PUM3: variants seen among roughly 807,000 people sequenced by gnomAD.
PUM3 encodes pumilio homolog 3.
Under a neutral mutation model 84.0 loss-of-function variants are expected in PUM3, and 91 were observed. That is an observed-to-expected ratio of 1.08 (90% CI 0.91 to 1.29). The LOEUF (loss-of-function observed/expected upper bound fraction) is 1.29. Ranked by LOEUF, PUM3 falls within the 50% of genes most tolerant of loss-of-function variation. The probability of loss-of-function intolerance (pLI) is 0.00; values close to 1 mark genes in which losing one functional copy is unlikely to be tolerated. For missense variants in PUM3, 1,067 were observed against 767.5 expected, an observed-to-expected ratio of 1.39 and a Z score of -4.61; for synonymous variants, 321 against 266.7, an observed-to-expected ratio of 1.20 and a Z score of -1.98.
At chr9:2,835,230 T>C (rs1029747989) in intron 3 of PUM3, among the ~76,000 whole-genome samples, 4 of 151,916 alleles carry the variant, frequency 2.6e-5, no homozygotes, top group Admixed American at 1.3e-4. Flanking sequence ...CTGGGCGAAA[T>C]AGTGAGACCC....
chr9:2,840,034 G>A (rs541971960), intron 1 of PUM3, among the ~76,000 whole-genome samples: 2 of 152,050 alleles, frequency 1.3e-5, no homozygotes, highest in Non-Finnish European at 1.5e-5. Flanking sequence ...AGTCTCCTTT[G>A]TATTTTGTAG....
At chr9:2,825,224 A>G (rs1815780093) in intron 10 of PUM3, among the ~76,000 whole-genome samples, 1 of 152,214 alleles carries the variant, frequency 6.6e-6, no homozygotes, top group Non-Finnish European at 1.5e-5. Flanking sequence ...ACCTGTATGC[A>G]ATAAACAGAA....
chr9:2,812,924 A>C (rs1451782580), intron 13 of PUM3, among the ~76,000 whole-genome samples: 3 of 152,260 alleles, frequency 2.0e-5, no homozygotes, highest in Non-Finnish European at 4.4e-5. Flanking sequence ...GGCATGAATG[A>C]AGAACACTTC....
intron 3 of PUM3, among the ~76,000 whole-genome samples, chr9:2,834,944 A>T (rs1816081020): frequency 6.6e-6 from 1 of 151,954 alleles, no homozygotes; most frequent in Non-Finnish European, 1.5e-5. Flanking sequence ...AGTATCTGGC[A>T]CAGAATCTTT....
At chr9:2,830,259 C>A (rs1815940085) in intron 7 of PUM3, among the ~76,000 whole-genome samples, 1 of 152,108 alleles carries the variant, frequency 6.6e-6, no homozygotes, top group Non-Finnish European at 1.5e-5. Context: ...TAACTATATC[C>A]TAAAAGAATT....
At chr9:2,805,469 A>G (rs1192592677) in intron 17 of PUM3, among the ~76,000 whole-genome samples, 1 of 152,214 alleles carries the variant, frequency 6.6e-6, no homozygotes, top group Non-Finnish European at 1.5e-5. Flanking sequence ...TATTTTCCAA[A>G]GTCCCTGGTC....
In PUM3 at chr9:2,827,031, C is replaced by T. The variant is rs775843040; in HGVS notation, c.1035+42G>A. 5.3e-6 allele frequency: 8 copies of T among 1,497,028 alleles called. No homozygotes were observed. In the African/African-American group the frequency reaches 9.7e-5, roughly 18 times the overall value. 92.7% of individuals were successfully genotyped at this position (1,497,028 alleles called of 1,614,324 possible). On this transcript the variant is annotated intron_variant, in intron 10 of 17. Coordinates refer to ENST00000397885, the MANE Select transcript of PUM3 (RefSeq NM_014878.5). ...AGTTTTTCAAATTTCTACACCGCTC[C>T]TCCTCCATGTTTTAGTTTAAAAACA...
At chr9:2,818,697 G>C (rs182582393) in intron 13 of PUM3, among the ~76,000 whole-genome samples, 1 of 152,178 alleles carries the variant, frequency 6.6e-6, no homozygotes, top group Non-Finnish European at 1.5e-5. Context: ...TTTGTAACAT[G>C]AAAGTCTTGC....
intron 3 of PUM3, among the ~76,000 whole-genome samples, chr9:2,836,476 A>C (rs1276489252): frequency 2.0e-5 from 3 of 152,188 alleles, no homozygotes; most frequent in African/African-American, 7.2e-5. Flanking sequence ...GACCCACTGA[A>C]CATCGTTGAC....
At chr9:2,808,390 G>A (rs960470026) in intron 16 of PUM3, among the ~76,000 whole-genome samples, 2 of 152,122 alleles carry the variant, frequency 1.3e-5, no homozygotes, top group Non-Finnish European at 1.5e-5. Flanking sequence ...CTTAAACTTG[G>A]CATTTCTCTT....
At chr9:2,808,996 G>A (rs914561853) in intron 16 of PUM3, among the ~76,000 whole-genome samples, 1 of 152,114 alleles carries the variant, frequency 6.6e-6, no homozygotes, top group Non-Finnish European at 1.5e-5. Context: ...GCCTAGAAAG[G>A]GAAACTGAGG....
intron 15 of PUM3, among the ~76,000 whole-genome samples, chr9:2,810,680 G>A (rs557028897): frequency 2.4e-4 from 36 of 152,266 alleles, no homozygotes; most frequent in African/African-American, 8.4e-4. Flanking sequence ...TTCAGTCTCC[G>A]CTTCATTTAA....
chr9:2,822,994 G>A (rs1282019390), intron 12 of PUM3, among the ~76,000 whole-genome samples: 1 of 151,818 alleles, frequency 6.6e-6, no homozygotes, highest in African/African-American at 2.4e-5. Flanking sequence ...CCAGATGCTA[G>A]TAGTTCTCAC....
intron 12 of PUM3, among the ~76,000 whole-genome samples, chr9:2,822,057 G>A (rs1815657909): frequency 6.6e-6 from 1 of 152,064 alleles, no homozygotes. Context: ...TCTTAACTCG[G>A]ACACACATAA....
intron 17 of PUM3, among the ~76,000 whole-genome samples, chr9:2,807,265 C>G (rs1451106096): frequency 6.6e-6 from 1 of 150,656 alleles, no homozygotes; most frequent in Non-Finnish European, 1.5e-5. Flanking sequence ...CACCTGATAC[C>G]TTGTGAATGT....
At chr9:2,806,420 G>A (rs1208342469) in intron 17 of PUM3, among the ~76,000 whole-genome samples, 1 of 152,186 alleles carries the variant, frequency 6.6e-6, no homozygotes, top group Non-Finnish European at 1.5e-5. Context: ...ATGTGTACCA[G>A]ATCACGTATA....
intron 12 of PUM3, among the ~76,000 whole-genome samples, chr9:2,822,659 T>A (rs1027716507): frequency 2.0e-5 from 3 of 150,208 alleles, no homozygotes; most frequent in African/African-American, 7.3e-5. Flanking sequence ...CAAATTAGAA[T>A]GTCACGCAAA....
At position 2,829,808 on chromosome 9, in the gene PUM3, TC is replaced by T; in HGVS notation, c.817del (p.Glu273LysfsTer23). ...AILEQRNMLTEELYGNTFQLY... is the reference protein window; with the variant it reads ...AILEQRNMLTXELYGNTFQLY... ...CTGAAATGTGTTCCCATAGAGCTCT[TC>T]CGTCAGCATGTTCCTCTGCTCCAAA... On this transcript the variant is annotated frameshift_variant, in exon 8 of 18. Coordinates refer to ENST00000397885, the MANE Select transcript of PUM3 (RefSeq NM_014878.5). LOFTEE classifies it high-confidence loss of function. 1.2e-6 allele frequency: 2 copies of T among 1,614,090 alleles called. No individual in the cohort carries two copies. The highest frequency in any genetic ancestry group is 1.7e-6 in the Non-Finnish European group (2 of 1,179,946).
At chr9:2,826,537 C>T (rs1160268672) in intron 10 of PUM3, among the ~76,000 whole-genome samples, 1 of 152,188 alleles carries the variant, frequency 6.6e-6, no homozygotes, top group Non-Finnish European at 1.5e-5. Flanking sequence ...AATGAGCTCA[C>T]TGTATGATGA....
Sources: gnomAD v4.1 joint callset for allele counts (sites outside exome capture counted in the v4.1 genomes callset) on GRCh38, gnomAD v4.1.1 for gene constraint, MANE v1.5 for transcripts, NCBI Gene and HGNC (gene_info 2026-07-23, HGNC 2026-07-21) for gene names.